Variants in ZNF780B observed in about 807,000 individuals in gnomAD.
The protein encoded by ZNF780B is zinc finger protein 780B, also known as zinc finger protein 779.
Under a neutral mutation model 74.1 loss-of-function variants are expected in ZNF780B, and 52 were observed. That is an observed-to-expected ratio of 0.70 (90% CI 0.56 to 0.88). The LOEUF (loss-of-function observed/expected upper bound fraction) is 0.88. Among genes scored for constraint, ZNF780B ranks in the 40% least tolerant of loss-of-function variants. ZNF780B has a pLI of 0.00. For synonymous variants in ZNF780B, 315 were observed against 324.3 expected (o/e 0.97, Z 0.31); for missense variants, 953 against 1,007.6 (o/e 0.95, Z 0.73).
At position 40,033,032 on chromosome 19, in the gene ZNF780B, A is replaced by G. The variant is rs1972065999; in HGVS notation, c.*1325T>C. 6.6e-6 allele frequency: 1 copy of G among 152,362 alleles called. No individual in the cohort carries two copies. Among genetic ancestry groups the G allele is most frequent in the South Asian group, 2.1e-4 (1 of 4,840 alleles). The allele number at this position is 152,362 out of a possible 1,614,324, so 9.4% of individuals were successfully genotyped here. A position where few individuals can be genotyped will look rare whatever the true frequency, so the allele number is the denominator to read the frequency against. ...GAATCTAGGTGGGGGGGATATGTGTATATATTTTACTATTCTTTCAAAACC... is the reference window on the plus strand; with the variant it reads ...GAATCTAGGTGGGGGGGATATGTGTGTATATTTTACTATTCTTTCAAAACC... On this transcript the variant is annotated 3_prime_UTR_variant, in exon 5 of 5. Transcript: ENST00000434248.
At position 40,047,355 on chromosome 19, in the gene ZNF780B, C is replaced by A; in HGVS notation, c.232+20G>T. ...CCGGGACAATGATGGCTTCCCCCTG[C>A]CTGCTTTACTCTCACTTACCTGGAT... On this transcript the variant is annotated intron_variant, in intron 4 of 4. Transcript: ENST00000434248. 1 of 1,592,772 alleles carries A rather than the reference C, an allele frequency of 6.3e-7. No individual in the cohort carries two copies. The highest frequency in any genetic ancestry group is 8.6e-7 in the Non-Finnish European group (1 of 1,160,972).
rs1259731954 is a variant in ZNF780B at position 40,034,317 on chromosome 19, T to C, written c.*40A>G. The C allele has an allele frequency of 6.8e-6, 10 of 1,481,000 alleles. No individual in the cohort carries two copies. The highest frequency in any genetic ancestry group is 8.3e-6 in the Non-Finnish European group (9 of 1,082,736). 91.7% of individuals were successfully genotyped at this position (1,481,000 alleles called of 1,614,324 possible). The stretch of plus-strand genomic sequence containing the variant: ...ATAATGTCCATGAAATTGGTAATGA[T>C]ATTGAAAGGCCTTCCCACATTCCTT... On this transcript the variant is annotated 3_prime_UTR_variant, in exon 5 of 5. Transcript: ENST00000434248.
At chr19:40,043,188 G>GT (rs1487783011) in intron 4 of ZNF780B, among the ~76,000 whole-genome samples, 2 of 151,376 alleles carry the variant, frequency 1.3e-5, no homozygotes, top group Non-Finnish European at 2.9e-5. Context: ...GTTTGCCTGG[G>GT]TATCAGCAGC....
Position 40,041,098 on chromosome 19 carries a change from A to G in ZNF780B, c.233-4472T>C, listed in dbSNP as rs1972613868. Among the ~76,000 whole-genome samples the G allele has an allele frequency of 2.0e-5, 3 of 152,146 alleles. No homozygotes were observed. The South Asian group carries it at 6.2e-4, about 32-fold the overall frequency. The stretch of plus-strand genomic sequence containing the variant: ...TTGAATGTGTCCCAGAGATTCTGGT[A>G]TGTTGTGTCTTTGTTCTTGTTGGTT... On this transcript the variant is annotated intron_variant, in intron 4 of 4. Coordinates refer to ENST00000434248, the MANE Select transcript of ZNF780B (RefSeq NM_001005851.3).
chr19:40,028,984 C>G lies in ZNF780B; in HGVS notation c.*5373G>C, dbSNP rs1462846724. 9 of 152,172 alleles carry G rather than the reference C, an allele frequency of 5.9e-5. No homozygotes were observed. Among genetic ancestry groups the G allele is most frequent in the Admixed American group, 5.9e-4 (9 of 15,278 alleles). The allele number at this position is 152,172 out of a possible 1,614,324, so 9.4% of individuals were successfully genotyped here. A position where few individuals can be genotyped will look rare whatever the true frequency, so the allele number is the denominator to read the frequency against. ...ATTCTAGATAGTCACAGCCAACTATCAATAAAAATTACTGGTTCTATAATC... is the reference window on the plus strand; with the variant it reads ...ATTCTAGATAGTCACAGCCAACTATGAATAAAAATTACTGGTTCTATAATC... On this transcript the variant is annotated 3_prime_UTR_variant, in exon 5 of 5. Transcript: ENST00000434248.
intron 4 of ZNF780B, among the ~76,000 whole-genome samples, chr19:40,041,905 C>T (rs1972662549): frequency 6.6e-6 from 1 of 152,184 alleles, no homozygotes; most frequent in Non-Finnish European, 1.5e-5. Flanking sequence ...AGCCCATTTA[C>T]ATTTAAAGTT....
chr19:40,051,433 A>C (rs555870650), intron 1 of ZNF780B, among the ~76,000 whole-genome samples: 1 of 152,164 alleles, frequency 6.6e-6, no homozygotes, highest in African/African-American at 2.4e-5. Flanking sequence ...ATTTGTTTCC[A>C]TTATTTCCCA....
chr19:40,035,315 T>C lies in ZNF780B; in HGVS notation c.1544A>G (p.Asn515Ser), dbSNP rs1377426412. The change falls in exon 5 of 5, where the codon AAC (asparagine) becomes AGC (serine). Residue 515 changes from asparagine (N) to serine (S), a missense_variant. Coordinates refer to ENST00000434248, the MANE Select transcript of ZNF780B (RefSeq NM_001005851.3). ...GTGAATACTCTGATGTTGAACAAGG[T>C]TCGAGCCACGATTGAAGGCCTTCCC... ...DCGKAFNRGS[N>S]LVQHQSIHTG... 2 of 1,614,088 alleles carry C rather than the reference T, an allele frequency of 1.2e-6. No individual in the cohort carries two copies. Among genetic ancestry groups the C allele is most frequent in the East Asian group, 2.2e-5 (1 of 44,876 alleles).
At chr19:40,039,376 G>A (rs1201456645) in intron 4 of ZNF780B, among the ~76,000 whole-genome samples, 5 of 152,186 alleles carry the variant, frequency 3.3e-5, no homozygotes, top group Non-Finnish European at 7.3e-5. Flanking sequence ...TTTGGCTTAG[G>A]ATTGACTTGG....
chr19:40,046,258 T>C (rs1010895354), intron 4 of ZNF780B, among the ~76,000 whole-genome samples: 2 of 152,226 alleles, frequency 1.3e-5, no homozygotes, highest in African/African-American at 4.8e-5. Context: ...GAAATGTTCC[T>C]ATCAGAAAGA....
chr19:40,036,692 T>C (rs974742115), intron 4 of ZNF780B, 66 bp from the exon 5 acceptor site: 1 of 979,568 alleles, frequency 1.0e-6, no homozygotes, highest in South Asian at 2.0e-5. Context: ...CAAAATCCAT[T>C]AAACAAATGG....
chr19:40,054,406 A>G (rs1017023799), intron 1 of ZNF780B, among the ~76,000 whole-genome samples: 1 of 152,188 alleles, frequency 6.6e-6, no homozygotes, highest in African/African-American at 2.4e-5. Flanking sequence ...TCACCACAAA[A>G]ATGATAACTA....
rs888377827 is a variant in ZNF780B, at chr19:40,033,838, C to G, written c.*519G>C. 1 of 192,208 alleles carries G rather than the reference C, an allele frequency of 5.2e-6. No individual in the cohort carries two copies. The highest frequency in any genetic ancestry group is 1.1e-5 in the Non-Finnish European group (1 of 90,032). 11.9% of individuals were successfully genotyped at this position (192,208 alleles called of 1,614,324 possible). A position where few individuals can be genotyped will look rare whatever the true frequency, so the allele number is the denominator to read the frequency against. On this transcript the variant is annotated 3_prime_UTR_variant, in exon 5 of 5. Transcript: ENST00000434248. ...CTAAGTCTAAAGGTCTTCCCACATCCTTTACATTCACAGGGTTGCTCACCA... is the reference window on the plus strand; with the variant it reads ...CTAAGTCTAAAGGTCTTCCCACATCGTTTACATTCACAGGGTTGCTCACCA...
chr19:40,048,514 G>C (rs915356292), intron 3 of ZNF780B, among the ~76,000 whole-genome samples, 156 bp downstream of exon 3: 1 of 152,190 alleles, frequency 6.6e-6, no homozygotes, highest in African/African-American at 2.4e-5. Flanking sequence ...GCTCCAAGGA[G>C]GTGCCTGTTT....
At chr19:40,046,297 A>G (rs1972930459) in intron 4 of ZNF780B, among the ~76,000 whole-genome samples, 1 of 152,216 alleles carries the variant, frequency 6.6e-6, no homozygotes, top group Non-Finnish European at 1.5e-5. Flanking sequence ...GGTGGATCTG[A>G]TGGATACCTC....
intron 4 of ZNF780B, among the ~76,000 whole-genome samples, chr19:40,043,611 G>A (rs900462405): frequency 3.9e-5 from 6 of 152,200 alleles, no homozygotes; most frequent in South Asian, 2.1e-4. Context: ...AATGGCAGGC[G>A]CCCCTCCTCC....
chr19:40,047,507 A>G, intron 3 of ZNF780B, 37 bp from the exon 4 acceptor site: 1 of 1,494,180 alleles, frequency 6.7e-7, no homozygotes, highest in South Asian at 1.3e-5. Flanking sequence ...AATTTTTTTA[A>G]TATAAAAATT....
rs1972744043 is a variant in ZNF780B, at chr19:40,043,199, A to AGTGGCTGCAGAACAGTG, written c.232+4159_232+4175dup. ...CCCTGTTTGCCTGGGTATCAGCAGCAGTGGCTGCAGAACAGTGGTGGCTGT... is the reference window on the plus strand; with the variant it reads ...CCCTGTTTGCCTGGGTATCAGCAGCAGTGGCTGCAGAACAGTGGTGGCTGCAGAACAGTGGTGGCTGT... On this transcript the variant is annotated intron_variant, in intron 4 of 4. Coordinates refer to ENST00000434248, the MANE Select transcript of ZNF780B (RefSeq NM_001005851.3). Among the ~76,000 whole-genome samples, 4 of 152,330 alleles carry AGTGGCTGCAGAACAGTG rather than the reference A, an allele frequency of 2.6e-5. No homozygotes were observed. In the South Asian group the frequency reaches 8.3e-4, roughly 32 times the overall value.
Position 40,048,697 on chromosome 19 carries a change from C to G in ZNF780B, c.109G>C (p.Glu37Gln), listed in dbSNP as rs1378900979. ...AGTGATATCAGGTGGCTGTAGTTCT[C>G]CAACATCACATCCCTGTACAAGGTC... The part of the protein sequence containing the change: ...QRTLYRDVML[E>Q]NYSHLISLGS... Residue 37 changes from glutamate (E) to glutamine (Q), a missense_variant, in exon 3 of 5, where the codon GAG (glutamate) becomes CAG (glutamine). Transcript: ENST00000434248. 6.2e-7 allele frequency: 1 copy of G among 1,614,186 alleles called. No individual in the cohort carries two copies.
Sources: gnomAD v4.1 joint callset for allele counts (sites outside exome capture counted in the v4.1 genomes callset) on GRCh38, gnomAD v4.1.1 for gene constraint, MANE v1.5 for transcripts, NCBI Gene and HGNC (gene_info 2026-07-23, HGNC 2026-07-21) for gene names.